The following PREX1 variants were observed in gnomAD, a reference collection of about 807,000 sequenced individuals.
PREX1 encodes the protein phosphatidylinositol-3,4,5-trisphosphate dependent Rac exchange factor 1, also known as phosphatidylinositol 3,4,5-trisphosphate-dependent Rac exchanger 1 protein.
Under a neutral mutation model 198.3 loss-of-function variants are expected in PREX1, and 41 were observed. That is an observed-to-expected ratio of 0.21 (90% CI 0.16 to 0.27). The LOEUF is 0.27. Among genes scored for constraint, PREX1 ranks in the 10% least tolerant of loss-of-function variants. The pLI is 1.00. For missense variants in PREX1, 1,620 were observed against 2,200.7 expected, an observed-to-expected ratio of 0.74 and a Z score of 5.28; for synonymous variants, 843 against 887.2, an observed-to-expected ratio of 0.95 and a Z score of 0.89.
intron 32 of PREX1, among the ~76,000 whole-genome samples, chr20:48,635,539 C>G (rs1350254395): frequency 1.3e-5 from 2 of 152,162 alleles, no homozygotes; most frequent in East Asian, 3.8e-4. Flanking sequence ...AGCCACTCTT[C>G]GGGGCCTTTG....
intron 14 of PREX1, among the ~76,000 whole-genome samples, chr20:48,669,826 T>G (rs187119316): frequency 6.6e-6 from 1 of 152,022 alleles, no homozygotes; most frequent in Non-Finnish European, 1.5e-5. Flanking sequence ...AGAGAACCAC[T>G]GAGGAATGAA....
chr20:48,845,796 G>A, the PREX1 span, among the ~76,000 whole-genome samples: 1 of 152,036 alleles, frequency 6.6e-6, no homozygotes, highest in Non-Finnish European at 1.5e-5. Context: ...CAGAAGCCGC[G>A]AGGAGGCCAG....
chr20:48,671,594 G>A (rs1171946388), intron 14 of PREX1, among the ~76,000 whole-genome samples: 8 of 152,110 alleles, frequency 5.3e-5, no homozygotes, highest in African/African-American at 7.2e-5. Flanking sequence ...AAATGAAGAC[G>A]TGTCCAAAAA....
At chr20:48,874,100 A>G in the PREX1 span, among the ~76,000 whole-genome samples, 3 of 152,320 alleles carry the variant, frequency 2.0e-5, no homozygotes, top group African/African-American at 7.2e-5. Flanking sequence ...TGTACCTGAC[A>G]ATTATAAGCA....
chr20:48,868,152 A>C, the PREX1 span, among the ~76,000 whole-genome samples: 2 of 152,174 alleles, frequency 1.3e-5, no homozygotes, highest in African/African-American at 4.8e-5. Flanking sequence ...CAGTGAACAA[A>C]GTGATAAATG....
At chr20:48,765,140 G>A (rs904479850) in intron 1 of PREX1, among the ~76,000 whole-genome samples, 1 of 152,190 alleles carries the variant, frequency 6.6e-6, no homozygotes, top group African/African-American at 2.4e-5. Flanking sequence ...GTATCTCCAT[G>A]AATCACGGCC....
intron 37 of PREX1, among the ~76,000 whole-genome samples, chr20:48,628,898 C>T (rs36078215): frequency 0.13 from 19,293 of 152,158 alleles, 1,330 homozygotes; most frequent in African/African-American, 0.18. Context: ...CCAGATCCAG[C>T]CCTGCCCTGA....
chr20:48,692,783 C>T lies in PREX1; in HGVS notation c.925G>A (p.Gly309Arg), dbSNP rs749732844. The change falls in exon 8 of 40, where the codon GGG (glycine) becomes AGG (arginine). Residue 309 changes from glycine (G) to arginine (R), a missense_variant. Transcript: ENST00000371941. ...GTCCTCTTGGTGGACTTCTTGCTCCCGGTGACCCTGATAGACAGTGAGAAG... is the reference window on the plus strand; with the variant it reads ...GTCCTCTTGGTGGACTTCTTGCTCCTGGTGACCCTGATAGACAGTGAGAAG... ...VYCKRKSRVTGSKKSTKRTKS... is the reference protein window; with the variant it reads ...VYCKRKSRVTRSKKSTKRTKS... The T allele has an allele frequency of 5.0e-6, 8 of 1,613,718 alleles. No individual in the cohort carries two copies. The highest frequency in any genetic ancestry group is 4.2e-6 in the Non-Finnish European group (5 of 1,179,752).
At chr20:48,631,805 G>A (rs1435800056) in intron 35 of PREX1, among the ~76,000 whole-genome samples, 2 of 152,072 alleles carry the variant, frequency 1.3e-5, no homozygotes, top group Admixed American at 6.5e-5. Context: ...AGAACCTGTG[G>A]TTCCTCCTGG....
chr20:48,733,705 C>CTGTTGTTGTTGTTGTTGTTGTTGT (rs71337454), intron 4 of PREX1, among the ~76,000 whole-genome samples: 1,945 of 151,186 alleles, frequency 0.013, 20 homozygotes, highest in African/African-American at 0.023. Flanking sequence ...GTTGTTGTTG[C>CTGTTGTTGTTGTTGTTGTTGTTGT]TGTTGTTGTT....
the PREX1 span, among the ~76,000 whole-genome samples, chr20:48,840,502 G>A: frequency 2.6e-5 from 4 of 152,288 alleles, no homozygotes; most frequent in African/African-American, 9.6e-5. Context: ...TAACAGAAAT[G>A]GAATGCCTGC....
intron 1 of PREX1, among the ~76,000 whole-genome samples, chr20:48,790,528 T>C (rs892470031): frequency 3.1e-4 from 47 of 152,154 alleles, no homozygotes; most frequent in African/African-American, 9.9e-4. Context: ...ATAAATTCAA[T>C]GGTCCAGGCT....
intron 1 of PREX1, among the ~76,000 whole-genome samples, chr20:48,787,838 A>G (rs187717113): frequency 6.6e-6 from 1 of 152,132 alleles, no homozygotes; most frequent in African/African-American, 2.4e-5. Context: ...TTTTTTCCCC[A>G]ACATTACAAA....
At chr20:48,770,740 G>A (rs557638883) in intron 1 of PREX1, among the ~76,000 whole-genome samples, 1 of 152,204 alleles carries the variant, frequency 6.6e-6, no homozygotes, top group East Asian at 1.9e-4. Flanking sequence ...GCAGAAGTGA[G>A]GAAGGAAAGG....
Position 48,688,787 on chromosome 20 carries a change from C to T in PREX1, c.1204G>A (p.Glu402Lys). The T allele has an allele frequency of 2.5e-6, 4 of 1,614,130 alleles. No homozygotes were observed. Among genetic ancestry groups the T allele is most frequent in the Non-Finnish European group, 3.4e-6 (4 of 1,180,016 alleles). ...GCAATCATGACGTAGGCATCACGCTCCATGCCCAGCTTCAGGCCTACACAG... is the reference window on the plus strand; with the variant it reads ...GCAATCATGACGTAGGCATCACGCTTCATGCCCAGCTTCAGGCCTACACAG... ...EQRESLKLGM[E>K]RDAYVMIAEK... is the part of the protein sequence containing the mutation. Residue 402 changes from glutamate (E) to lysine (K), a missense_variant, in exon 10 of 40, where the codon GAG (glutamate) becomes AAG (lysine). Around this residue, in one of 7 missense-constraint regions of PREX1, gnomAD observed 488 missense variants for 802.5 expected, o/e 0.61. Coordinates refer to ENST00000371941, the MANE Select transcript of PREX1 (RefSeq NM_020820.4).
chr20:48,802,087 G>A lies in PREX1; in HGVS notation c.219+25555C>T, dbSNP rs1310978422. The stretch of plus-strand genomic sequence containing the variant: ...CTTTATAAATTACCCAGCTTCAGGC[G>A]TTCTGTTATAAGCAGCAGAAAACAA... On this transcript the variant is annotated intron_variant, in intron 1 of 39. Coordinates refer to ENST00000371941, the MANE Select transcript of PREX1 (RefSeq NM_020820.4). 3.3e-5 allele frequency among the ~76,000 whole-genome samples: 5 copies of A among 152,074 alleles called. 1 individual carries two copies. Among genetic ancestry groups the A allele is most frequent in the Admixed American group, 1.3e-4 (2 of 15,268 alleles).
chr20:48,638,997 C>T (rs909001315), intron 30 of PREX1, among the ~76,000 whole-genome samples: 2 of 152,244 alleles, frequency 1.3e-5, no homozygotes, highest in African/African-American at 4.8e-5. Flanking sequence ...TGCCATTCCC[C>T]GAGGGAACAG....
At chr20:48,664,596 C>T (rs1055120320) in intron 15 of PREX1, among the ~76,000 whole-genome samples, 8 of 152,144 alleles carry the variant, frequency 5.3e-5, no homozygotes, top group African/African-American at 1.2e-4. Flanking sequence ...GGCACCTTGG[C>T]GGGGGTTAAA....
chr20:48,798,699 G>A (rs1399899550), intron 1 of PREX1, among the ~76,000 whole-genome samples: 2 of 152,212 alleles, frequency 1.3e-5, no homozygotes, highest in African/African-American at 2.4e-5. Context: ...AAGCTCCCAC[G>A]GTGATACTGC....
Sources: allele counts gnomAD v4.1 joint callset (sites outside exome capture counted in the v4.1 genomes callset), GRCh38; gene constraint gnomAD v4.1.1; regional missense constraint gnomAD v4.1.1; transcripts MANE v1.5; gene names NCBI Gene and HGNC (gene_info 2026-07-23, HGNC 2026-07-21).